IL15RA: variants seen among roughly 807,000 people sequenced by gnomAD.
IL15RA encodes interleukin-15 receptor subunit alpha.
A neutral mutation model predicts 24.2 loss-of-function variants in IL15RA; 26 were observed. The observed-to-expected ratio is 1.07, with a 90% confidence interval of 0.79 to 1.49. The LOEUF (loss-of-function observed/expected upper bound fraction) is 1.49. Among genes scored for constraint, IL15RA ranks in the 40% most tolerant of loss-of-function variants. The pLI, the probability that IL15RA is intolerant of heterozygous loss-of-function variation, is 0.00. For missense variants in IL15RA, 354 were observed against 356.4 expected (o/e 0.99, Z 0.05); for synonymous variants, 166 against 157.6 (o/e 1.05, Z -0.40).
In IL15RA at chr10:5,977,538, G is replaced by A. The variant is rs1838661523; in HGVS notation, c.-46C>T. ...CCGCTGGACTCCCCGGGCGAGCGCT[G>A]CCCAGGCCGGGGGGAGGTGGCGAGC... On this transcript the variant is annotated 5_prime_UTR_variant, in exon 1 of 7. Coordinates refer to ENST00000379977, the MANE Select transcript of IL15RA (RefSeq NM_002189.4). The A allele has an allele frequency of 7.8e-7, 1 of 1,289,144 alleles. No homozygotes were observed. The highest frequency in any genetic ancestry group is 2.4e-5 in the South Asian group (1 of 42,350). 79.9% of individuals were successfully genotyped at this position (1,289,144 alleles called of 1,614,324 possible). A position where few individuals can be genotyped will look rare whatever the true frequency, so the allele number is the denominator to read the frequency against.
chr10:5,957,117 G>A (rs372575911), intron 5 of IL15RA, among the ~76,000 whole-genome samples: 4 of 151,422 alleles, frequency 2.6e-5, no homozygotes, highest in South Asian at 2.1e-4. Context: ...ACACCACCAC[G>A]CCTGGCTAAT....
chr10:5,961,803 C>T lies in IL15RA; in HGVS notation c.383-1236G>A, dbSNP rs1835600106. Among the ~76,000 whole-genome samples, 1 of 152,242 alleles carries T rather than the reference C, an allele frequency of 6.6e-6. No individual in the cohort carries two copies. The highest frequency in any genetic ancestry group is 6.5e-5 in the Admixed American group (1 of 15,288). On this transcript the variant is annotated intron_variant, in intron 3 of 6. Coordinates refer to ENST00000379977, the MANE Select transcript of IL15RA (RefSeq NM_002189.4). The surrounding 1 kb of genome is among the most constrained non-coding windows in gnomAD (Gnocchi z 5.2). ...AATCTAGGAAACGTGAGGCCAAGCG[C>T]TGTGGCTCTCTGGACGCACTGTTGT...
At position 5,960,280 on chromosome 10, in the gene IL15RA, A is replaced by G. The variant is rs1415713533; in HGVS notation, c.583+87T>C. On this transcript the variant is annotated intron_variant, in intron 4 of 6. Coordinates refer to ENST00000379977, the MANE Select transcript of IL15RA (RefSeq NM_002189.4). The surrounding 1 kb of genome is among the most constrained non-coding windows in gnomAD (Gnocchi z 5.1). Reference sequence around the variant, plus strand: ...TGAATCCTGACTTTGGATTGATGGTATAAAGCTGCCTTGTGCCGGATCTCA... The same window carrying G: ...TGAATCCTGACTTTGGATTGATGGTGTAAAGCTGCCTTGTGCCGGATCTCA... 8.0e-7 allele frequency: 1 copy of G among 1,244,020 alleles called. No individual in the cohort carries two copies. The highest frequency in any genetic ancestry group is 1.2e-6 in the Non-Finnish European group (1 of 852,132). The allele number at this position is 1,244,020 out of a possible 1,614,324, so 77.1% of individuals were successfully genotyped here. A position where few individuals can be genotyped will look rare whatever the true frequency, so the allele number is the denominator to read the frequency against.
chr10:5,969,037 T>C, intron 1 of IL15RA: 1 of 1,441,488 alleles, frequency 6.9e-7, no homozygotes, highest in Non-Finnish European at 9.3e-7. Flanking sequence ...ATTGTGTGTG[T>C]TTCTGGCTGA....
chr10:5,956,437 T>G lies in IL15RA; in HGVS notation c.634A>C (p.Thr212Pro), dbSNP rs1235217790. The change falls in exon 6 of 7, where the codon ACT becomes CCT. Residue 212 changes from threonine to proline, a missense_variant. Thr to Pro is a conservative substitution (Grantham distance 38). Coordinates refer to ENST00000379977, the MANE Select transcript of IL15RA (RefSeq NM_002189.4). ...GCGCTCAGCCCACACAGCAGGACAGTGGACGTGGAGATAGCCACTGAAAGG... is the reference window on the plus strand; with the variant it reads ...GCGCTCAGCCCACACAGCAGGACAGGGGACGTGGAGATAGCCACTGAAAGG... ...SDTTVAISTS[T>P]VLLCGLSAVS... The G allele has an allele frequency of 6.2e-7, 1 of 1,613,902 alleles. No individual in the cohort carries two copies. The highest frequency in any genetic ancestry group is 8.5e-7 in the Non-Finnish European group (1 of 1,179,860).
At position 5,975,348 on chromosome 10, in the gene IL15RA, C is replaced by T. The variant is rs2387090; in HGVS notation, c.88+2057G>A. On this transcript the variant is annotated intron_variant, in intron 1 of 6. Transcript: ENST00000379977. The surrounding 1 kb of genome is among the most constrained non-coding windows in gnomAD (Gnocchi z 4.8). ...AAGCCAAACAAGAAAGAGTTCCTAC[C>T]GTGTAATTCTATTTATAAAAAATTT... 1 allele frequency among the ~76,000 whole-genome samples: 151,057 copies of T among 151,580 alleles called. 75,272 individuals carry two copies. The highest frequency in any genetic ancestry group is 1 in the Middle Eastern group (294 of 294).
rs549137574 is a variant in IL15RA, at chr10:5,961,456, G to T, written c.383-889C>A. On this transcript the variant is annotated intron_variant, in intron 3 of 6. Coordinates refer to ENST00000379977, the MANE Select transcript of IL15RA (RefSeq NM_002189.4). This position sits in a 1 kb window ranked among gnomAD's most constrained non-coding sequence, Gnocchi z 5.2. ...AGAAAAGGTGTCAAAGATCTGAGTCGTTCAGCTTGTTTACTAGAGAAGGCA... is the reference window on the plus strand; with the variant it reads ...AGAAAAGGTGTCAAAGATCTGAGTCTTTCAGCTTGTTTACTAGAGAAGGCA... Among the ~76,000 whole-genome samples, 1 of 152,154 alleles carries T rather than the reference G, an allele frequency of 6.6e-6. No individual in the cohort carries two copies. Among genetic ancestry groups the T allele is most frequent in the Non-Finnish European group, 1.5e-5 (1 of 68,028 alleles).
upstream of IL15RA, chr10:5,977,593 C>T: frequency 1.6e-6 from 2 of 1,256,530 alleles, no homozygotes; most frequent in Non-Finnish European, 2.0e-6. Flanking sequence ...CCCCGCCAGT[C>T]GCATTCGCTT....
Position 5,968,176 on chromosome 10 carries a change from G to C in IL15RA, c.89-1837C>G, listed in dbSNP as rs1187751685. Among the ~76,000 whole-genome samples, 1 of 152,126 alleles carries C rather than the reference G, an allele frequency of 6.6e-6. No individual in the cohort carries two copies. The highest frequency in any genetic ancestry group is 1.5e-5 in the Non-Finnish European group (1 of 68,034). On this transcript the variant is annotated intron_variant, in intron 1 of 6. Transcript: ENST00000379977. This position sits in a 1 kb window ranked among gnomAD's most constrained non-coding sequence, Gnocchi z 5.4. ...AGAATTCTTATAAAAATCAACACAAGACAAATACCCTAATGGCCTAACTGG... is the reference window on the plus strand; with the variant it reads ...AGAATTCTTATAAAAATCAACACAACACAAATACCCTAATGGCCTAACTGG...
At chr10:5,951,072 G>A (rs532492487), downstream of IL15RA, among the ~76,000 whole-genome samples, 2 of 149,404 alleles carry the variant, frequency 1.3e-5, no homozygotes, top group Non-Finnish European at 3.0e-5. Flanking sequence ...GACCCAGGAG[G>A]CGGAGCTTGC....
Position 5,967,642 on chromosome 10 carries a change from A to G in IL15RA, c.89-1303T>C, listed in dbSNP as rs1307931550. Among the ~76,000 whole-genome samples the G allele has an allele frequency of 6.6e-6, 1 of 152,228 alleles. No homozygotes were observed. Among genetic ancestry groups the G allele is most frequent in the Non-Finnish European group, 1.5e-5 (1 of 68,042 alleles). ...GCTTTCCATTCCCAGGATATAGTGC[A>G]TTGGAGAGAGAGTGGATGAACCAAT... On this transcript the variant is annotated intron_variant, in intron 1 of 6. Transcript: ENST00000379977. This position sits in a 1 kb window ranked among gnomAD's most constrained non-coding sequence, Gnocchi z 4.4.
chr10:5,969,089 G>C lies in IL15RA; in HGVS notation c.89-2750C>G, dbSNP rs117123166. On this transcript the variant is annotated intron_variant, in intron 1 of 6. Transcript: ENST00000379977. The stretch of plus-strand genomic sequence containing the variant: ...ATCGATCTATGTGTCTGTTTGTTTT[G>C]ACACCAATACCGTGCTGCCTTGATT... Among the ~76,000 whole-genome samples the C allele has an allele frequency of 2.1e-3, 314 of 152,146 alleles. 8 individuals are homozygous for C. In the East Asian group the frequency reaches 0.056, roughly 27 times the overall value.
chr10:5,971,663 C>G lies in IL15RA; in HGVS notation c.89-5324G>C, dbSNP rs568358083. On this transcript the variant is annotated intron_variant, in intron 1 of 6. Transcript: ENST00000379977. The surrounding 1 kb of genome is among the most constrained non-coding windows in gnomAD (Gnocchi z 5.5). ...TGCCCTCAGGATGCTCACTGTGGAG[C>G]TGGTGTACGGAAAAGGCAAAGGCCT... is the stretch of plus-strand genomic sequence containing the variant. Among the ~76,000 whole-genome samples, 4 of 152,340 alleles carry G rather than the reference C, an allele frequency of 2.6e-5. No homozygotes were observed. Among genetic ancestry groups the G allele is most frequent in the East Asian group, 3.9e-4 (2 of 5,192 alleles).
rs762796929 is a variant in IL15RA, at chr10:5,956,414, G to A, written c.657C>T (p.Ser219=). ...STSTVLLCGL[S]AVSLLACYLK... ...GGTAGCATGCCAGGAGAGACACAGC[G>A]CTCAGCCCACACAGCAGGACAGTGG... The change falls in exon 6 of 7, where the codon AGC becomes AGT. Residue 219 remains serine, a synonymous_variant. Coordinates refer to ENST00000379977, the MANE Select transcript of IL15RA (RefSeq NM_002189.4). 17 of 1,613,994 alleles carry A rather than the reference G, an allele frequency of 1.1e-5. No homozygotes were observed. The highest frequency in any genetic ancestry group is 1.7e-4 in the Middle Eastern group (1 of 6,060).
In IL15RA at chr10:5,958,464, C is replaced by A; in HGVS notation, c.616+1290G>T. Reference sequence around the variant, plus strand: ...GCAGTGGTGTGATCACAGCTCACTGCAACCTCTGCCTCCTGGGTTCCAGCA... The same window carrying A: ...GCAGTGGTGTGATCACAGCTCACTGAAACCTCTGCCTCCTGGGTTCCAGCA... On this transcript the variant is annotated intron_variant, in intron 5 of 6. Transcript: ENST00000379977. The surrounding 1 kb of genome is among the most constrained non-coding windows in gnomAD (Gnocchi z 4.3). 1 of 263,478 alleles carries A rather than the reference C, an allele frequency of 3.8e-6. No individual in the cohort carries two copies. Among genetic ancestry groups the A allele is most frequent in the Non-Finnish European group, 7.9e-6 (1 of 126,494 alleles). The allele number at this position is 263,478 out of a possible 1,614,324, so 16.3% of individuals were successfully genotyped here.
Position 5,966,398 on chromosome 10 carries a change from T to C in IL15RA, c.89-59A>G, listed in dbSNP as rs1156871429. 7 of 1,427,580 alleles carry C rather than the reference T, an allele frequency of 4.9e-6. No individual in the cohort carries two copies. Among genetic ancestry groups the C allele is most frequent in the Non-Finnish European group, 6.9e-6 (7 of 1,021,140 alleles). The allele number at this position is 1,427,580 out of a possible 1,614,324, so 88.4% of individuals were successfully genotyped here. A position where few individuals can be genotyped will look rare whatever the true frequency, so the allele number is the denominator to read the frequency against. On this transcript the variant is annotated intron_variant, in intron 1 of 6. Coordinates refer to ENST00000379977, the MANE Select transcript of IL15RA (RefSeq NM_002189.4). This position sits in a 1 kb window ranked among gnomAD's most constrained non-coding sequence, Gnocchi z 6.4. Reference sequence around the variant, plus strand: ...AGGTTTCCACTTGTAAGAGGCGTTCTCCAGGCACACGCAGCGGTAGTCAGT... The same window carrying C: ...AGGTTTCCACTTGTAAGAGGCGTTCCCCAGGCACACGCAGCGGTAGTCAGT...
rs757744776 is a variant in IL15RA at position 5,966,226 on chromosome 10, C to T, written c.202G>A (p.Gly68Ser). 5.8e-5 allele frequency: 93 copies of T among 1,614,128 alleles called. No individual in the cohort carries two copies. The highest frequency in any genetic ancestry group is 1.7e-4 in the Middle Eastern group (1 of 6,060). The change falls in exon 2 of 7, where the codon GGC (glycine) becomes AGC (serine). Residue 68 changes from glycine (G) to serine (S), a missense_variant. By Grantham distance (56) the Gly-to-Ser change is moderately conservative (BLOSUM62 0). Transcript: ENST00000379977. This position sits in a 1 kb window ranked among gnomAD's most constrained non-coding sequence, Gnocchi z 6.4. Reference sequence around the variant, plus strand: ...ACGCACTCCGTCAGGCTGGACGTGCCGGCTTTACGCTTGAAACCAGAGTTA... The same window carrying T: ...ACGCACTCCGTCAGGCTGGACGTGCTGGCTTTACGCTTGAAACCAGAGTTA... ...ICNSGFKRKA[G>S]TSSLTECVLN...
At position 5,953,704 on chromosome 10, in the gene IL15RA, A is replaced by G. The variant is rs1834115787; in HGVS notation, c.693-498T>C. On this transcript the variant is annotated intron_variant, in intron 6 of 6. Coordinates refer to ENST00000379977, the MANE Select transcript of IL15RA (RefSeq NM_002189.4). This position sits in a 1 kb window ranked among gnomAD's most constrained non-coding sequence, Gnocchi z 5.3. ...GTGACTGGGAGCCTAGCCAAACCAG[A>G]GTTGATCATCTTGAAAAAAGTGATT... The G allele has an allele frequency of 3.5e-6, 1 of 282,126 alleles. No individual in the cohort carries two copies. The highest frequency in any genetic ancestry group is 2.2e-5 in the African/African-American group (1 of 46,506). The allele number at this position is 282,126 out of a possible 1,614,324, so 17.5% of individuals were successfully genotyped here. A position where few individuals can be genotyped will look rare whatever the true frequency, so the allele number is the denominator to read the frequency against.
chr10:5,953,158 C>G lies in IL15RA; in HGVS notation c.741G>C (p.Leu247=). 1 of 1,614,256 alleles carries G rather than the reference C, an allele frequency of 6.2e-7. No individual in the cohort carries two copies. The highest frequency in any genetic ancestry group is 1.7e-4 in the Middle Eastern group (1 of 6,060). ...ASVEMEAMEA[L]PVTWGTSSRD... is the part of the protein sequence containing the mutation. ...TGCTGCTGGTCCCCCAAGTCACCGG[C>G]AGAGCCTCCATGGCTTCCATTTCAA... The change falls in exon 7 of 7, where the codon CTG becomes CTC. Residue 247 remains leucine, a synonymous_variant. Coordinates refer to ENST00000379977, the MANE Select transcript of IL15RA (RefSeq NM_002189.4). This position sits in a 1 kb window ranked among gnomAD's most constrained non-coding sequence, Gnocchi z 5.3.
Sources: allele counts gnomAD v4.1 joint callset (sites outside exome capture counted in the v4.1 genomes callset), GRCh38; gene constraint gnomAD v4.1.1; non-coding constraint Gnocchi (gnomAD v3.1); transcripts MANE v1.5; gene names NCBI Gene and HGNC (gene_info 2026-07-23, HGNC 2026-07-21).